Variants in GCNA observed in about 807,000 individuals in gnomAD.
GCNA encodes the protein germ cell nuclear acidic peptidase.
Under a neutral mutation model 38.8 loss-of-function variants are expected in GCNA, and 3 were observed. The ratio of observed to expected loss-of-function variants is 0.08; its 90% confidence interval spans 0.04 to 0.20. The LOEUF is 0.20. Among genes scored for constraint, GCNA ranks in the 10% least tolerant of loss-of-function variants. GCNA has a pLI of 1.00. For synonymous variants in GCNA, 195 were observed against 240.2 expected (o/e 0.81, Z 1.74); for missense variants, 446 against 578.6 (o/e 0.77, Z 2.35).
At chrX:71,599,827 CTT>C (rs770986582) in intron 7 of GCNA, among the ~76,000 whole-genome samples, 60 of 111,992 alleles carry the variant, frequency 5.4e-4, no homozygotes, top group Non-Finnish European at 9.4e-4. Context: ...GGTGGCAAAT[CTT>C]TTAAGTTTTC....
chrX:71,603,226 T>G (rs1412159588), intron 7 of GCNA, among the ~76,000 whole-genome samples: 1 of 112,351 alleles, frequency 8.9e-6, no homozygotes, highest in African/African-American at 3.2e-5. Flanking sequence ...TCCTCCACTT[T>G]GTTCTTTTTG....
At chrX:71,584,260 GTTGT>G (rs939025065) in intron 2 of GCNA, among the ~76,000 whole-genome samples, 4 of 110,190 alleles carry the variant, frequency 3.6e-5, no homozygotes, top group Admixed American at 9.6e-5. Context: ...AATTTTTTTT[GTTGT>G]TTGTTTGAGA....
chrX:71,590,115 T>C (rs2040616282), intron 2 of GCNA, among the ~76,000 whole-genome samples: 1 of 111,755 alleles, frequency 8.9e-6, no homozygotes, highest in East Asian at 2.8e-4. Flanking sequence ...TGAAATACAT[T>C]CTAGGGACTT....
At position 71,610,728 on chromosome X, in the gene GCNA, T is replaced by C; in HGVS notation, c.1659T>C (p.Thr553=). ...GCTGGAATAACAAGATGGTGAAAAC[T>C]GCTGGCTTATGCAGCACTGGTGAGA... ...RIGWNNKMVK[T]AGLCSTGEMW... is the part of the protein sequence containing the mutation. Residue 553 remains threonine (T), a synonymous_variant, in exon 11 of 13, where the codon ACT becomes ACC. Transcript: ENST00000373696. 1 of 1,212,433 alleles carries C rather than the reference T, an allele frequency of 8.2e-7. No homozygotes were observed. Among genetic ancestry groups the C allele is most frequent in the Non-Finnish European group, 1.1e-6 (1 of 895,574 alleles).
chrX:71,592,000 C>A (rs1185718595), intron 2 of GCNA, 122 bp from the exon 3 acceptor site: 11 of 637,277 alleles, frequency 1.7e-5, no homozygotes, highest in Non-Finnish European at 2.7e-5. Flanking sequence ...GCCCTTAAAA[C>A]CTTTTTTGCA....
chrX:71,597,395 G>A (rs1379401003), intron 6 of GCNA, among the ~76,000 whole-genome samples: 1 of 111,578 alleles, frequency 9.0e-6, no homozygotes, highest in South Asian at 3.8e-4. Context: ...ATTAGCCGAG[G>A]ATGAGGACCC....
chrX:71,612,810 C>T, intron 12 of GCNA, 52 bp from the exon 13 acceptor site: 1 of 1,192,784 alleles, frequency 8.4e-7, no homozygotes, highest in South Asian at 1.8e-5. Flanking sequence ...AGAGCTGATG[C>T]TGAGGTGCAG....
chrX:71,587,701 C>T (rs2040594070), intron 2 of GCNA, among the ~76,000 whole-genome samples: 1 of 111,259 alleles, frequency 9.0e-6, no homozygotes, highest in African/African-American at 3.3e-5. Context: ...TCACATTTAA[C>T]TGGTGTTCCT....
chrX:71,601,927 G>A (rs2040718688), intron 7 of GCNA, among the ~76,000 whole-genome samples: 1 of 112,483 alleles, frequency 8.9e-6, no homozygotes, highest in South Asian at 3.7e-4. Flanking sequence ...TAGGAGTGCA[G>A]ATATCTCTTT....
intron 2 of GCNA, among the ~76,000 whole-genome samples, chrX:71,584,641 G>C (rs1602167663): frequency 1.8e-5 from 2 of 111,382 alleles, no homozygotes; most frequent in Middle Eastern, 4.6e-3. Flanking sequence ...GAGGCGGGCG[G>C]ATCACGAGGT....
intron 2 of GCNA, among the ~76,000 whole-genome samples, chrX:71,589,938 A>AT (rs1157800837): frequency 0.01 from 942 of 91,870 alleles, 7 homozygotes; most frequent in African/African-American, 0.028. Context: ...TCGTTGTTTG[A>AT]TTTTTTTTTT....
Position 71,594,372 on chromosome X carries a change from G to A in GCNA, c.182G>A (p.Gly61Glu). ...NVQSRSGDTS[G>E]SSVARRAPKR... Reference sequence around the variant, plus strand: ...CAGTCAAGGAGTGGTGACACCAGTGGGTCTTGTAAGTAGAGTCCACTCAAA... The same window carrying A: ...CAGTCAAGGAGTGGTGACACCAGTGAGTCTTGTAAGTAGAGTCCACTCAAA... Residue 61 changes from glycine (G) to glutamate (E), a missense_variant, in exon 5 of 13, where the codon GGG becomes GAG. This residue lies in a region of GCNA where 25 missense variants were observed against 52.8 expected (regional missense o/e 0.47). Transcript: ENST00000373696. 8.3e-7 allele frequency: 1 copy of A among 1,200,683 alleles called. No homozygotes were observed.
rs1209583274 is a variant in GCNA at position 71,610,872 on chromosome X, G to A, written c.1750+53G>A. On this transcript the variant is annotated intron_variant, in intron 11 of 12. Coordinates refer to ENST00000373696, the MANE Select transcript of GCNA (RefSeq NM_052957.5). ...CACTGTGCTCTTTCCTTCTGACACC[G>A]TGCCTGTGAAATTACTCCTAGCTGG... 5.9e-6 allele frequency: 7 copies of A among 1,194,275 alleles called. No homozygotes were observed. The East Asian group carries it at 8.9e-5, about 15-fold the overall frequency.
At position 71,604,605 on chromosome X, in the gene GCNA, C is replaced by T; in HGVS notation, c.1328C>T (p.Thr443Ile). 8.3e-7 allele frequency: 1 copy of T among 1,202,348 alleles called. No homozygotes were observed. Among genetic ancestry groups the T allele is most frequent in the Non-Finnish European group, 1.1e-6 (1 of 890,487 alleles). Residue 443 changes from threonine to isoleucine, a missense_variant, in exon 8 of 13, where the codon ACA (threonine) becomes ATA (isoleucine). Thr to Ile is a moderately conservative substitution (Grantham distance 89). This residue lies in a region of GCNA where 160 missense variants were observed against 165.2 expected (regional missense o/e 0.97). Transcript: ENST00000373696. Reference sequence around the variant, plus strand: ...GTGGAGCCACCAAGGAAAAGGCAGACAAAGACCAAAAATATAGTGGAGCCA... The same window carrying T: ...GTGGAGCCACCAAGGAAAAGGCAGATAAAGACCAAAAATATAGTGGAGCCA... ...NIVEPPRKRQ[T>I]KTKNIVEPLR...
intron 2 of GCNA, among the ~76,000 whole-genome samples, chrX:71,581,533 G>C (rs2040546666): frequency 8.9e-6 from 1 of 111,950 alleles, no homozygotes; most frequent in Non-Finnish European, 1.9e-5. Flanking sequence ...TCTGGAAATA[G>C]ACCTAAGTAC....
intron 2 of GCNA, among the ~76,000 whole-genome samples, chrX:71,590,958 C>T (rs2040623305): frequency 8.9e-6 from 1 of 111,953 alleles, no homozygotes; most frequent in African/African-American, 3.2e-5. Context: ...GCTGGGATTA[C>T]AAGCGTGAGC....
At chrX:71,596,308 G>T (rs2040671769) in intron 6 of GCNA, among the ~76,000 whole-genome samples, 1 of 112,208 alleles carries the variant, frequency 8.9e-6, no homozygotes, top group African/African-American at 3.2e-5. Flanking sequence ...GATCAGTTTT[G>T]TTAATTGTAT....
chrX:71,583,677 A>G (rs1378857594), intron 2 of GCNA, among the ~76,000 whole-genome samples: 2 of 107,254 alleles, frequency 1.9e-5, no homozygotes, highest in East Asian at 5.9e-4. Flanking sequence ...ATAAAATTGG[A>G]CATACTATTA....
Position 71,612,877 on chromosome X carries a change from C to T in GCNA, c.1971C>T (p.Thr657=). Residue 657 remains threonine (T), a synonymous_variant, in exon 13 of 13, where the codon ACC becomes ACT. Coordinates refer to ENST00000373696, the MANE Select transcript of GCNA (RefSeq NM_052957.5). ...TCCTTCCCAGGATTGGCTGCTACACCAAATCGTTGGACACCAGCCGCTTCA... is the reference window on the plus strand; with the variant it reads ...TCCTTCCCAGGATTGGCTGCTACACTAAATCGTTGGACACCAGCCGCTTCA... The part of the protein sequence containing the change: ...TGCKTRIGCY[T]KSLDTSRFIC... The T allele has an allele frequency of 8.3e-7, 1 of 1,210,723 alleles. No individual in the cohort carries two copies. The highest frequency in any genetic ancestry group is 1.1e-6 in the Non-Finnish European group (1 of 895,123).
Sources: gnomAD v4.1 joint callset for allele counts (sites outside exome capture counted in the v4.1 genomes callset) on GRCh38, gnomAD v4.1.1 for gene constraint, gnomAD v4.1.1 regional missense constraint, MANE v1.5 for transcripts, NCBI Gene and HGNC (gene_info 2026-07-23, HGNC 2026-07-21) for gene names.